LIMS1: variants seen among roughly 807,000 people sequenced by gnomAD.
LIMS1 encodes LIM zinc finger domain containing 1.
Under a neutral mutation model 44.1 loss-of-function variants are expected in LIMS1, and 18 were observed. The ratio of observed to expected loss-of-function variants is 0.41; its 90% CI spans 0.28 to 0.61. The LOEUF (loss-of-function observed/expected upper bound fraction) is 0.61, where lower values mean the gene tolerates loss of function less well. Among genes scored for constraint, LIMS1 ranks in the 20% least tolerant of loss-of-function variants. LIMS1 has a pLI of 0.32. For synonymous variants in LIMS1, 93 were observed against 149.1 expected (o/e 0.62, Z 2.74); for missense variants, 201 against 422.0 (o/e 0.48, Z 4.59).
intron 1 of LIMS1, among the ~76,000 whole-genome samples, chr2:108,611,660 G>A (rs541976376): frequency 3.3e-5 from 5 of 151,814 alleles, no homozygotes; most frequent in South Asian, 2.1e-4. Flanking sequence ...CGTGGGGATC[G>A]CTTGAGCTCA....
At chr2:108,665,152 C>T (rs1425999773) in intron 2 of LIMS1, among the ~76,000 whole-genome samples, 1 of 152,166 alleles carries the variant, frequency 6.6e-6, no homozygotes, top group Non-Finnish European at 1.5e-5. Context: ...GCCCCTTAAC[C>T]ACAGGGAAAT....
At chr2:108,674,200 GGT>G (rs1692350351) in intron 5 of LIMS1, among the ~76,000 whole-genome samples, 2 of 151,960 alleles carry the variant, frequency 1.3e-5, no homozygotes, top group African/African-American at 4.8e-5. Flanking sequence ...CACGGTGGCG[GGT>G]GCCTATAGTC....
chr2:108,610,271 A>T (rs948743751), intron 1 of LIMS1, among the ~76,000 whole-genome samples: 2 of 151,014 alleles, frequency 1.3e-5, no homozygotes, highest in African/African-American at 4.9e-5. Context: ...GGTGGTCTCA[A>T]CTCCTGGCCT....
At chr2:108,555,615 G>A (rs1319145321) in intron 1 of LIMS1, among the ~76,000 whole-genome samples, 1 of 152,224 alleles carries the variant, frequency 6.6e-6, no homozygotes, top group Non-Finnish European at 1.5e-5. Context: ...GTGCTCCTAG[G>A]CTTTTCTCCT....
At chr2:108,684,053 T>C (rs896236140) in exon 10 of LIMS1, 3 of 891,592 alleles carry the variant, frequency 3.4e-6, no homozygotes, top group Non-Finnish European at 5.4e-6. Context: ...ACATTACTTG[T>C]CTTGATCTAC....
chr2:108,552,387 CTATA>C (rs1015460983), intron 1 of LIMS1, among the ~76,000 whole-genome samples: 7 of 139,384 alleles, frequency 5.0e-5, no homozygotes, highest in African/African-American at 1.1e-4. Context: ...ATATATGAAA[CTATA>C]TATACTATAT....
chr2:108,677,090 C>A (rs988237993), intron 7 of LIMS1, among the ~76,000 whole-genome samples: 1 of 152,128 alleles, frequency 6.6e-6, no homozygotes, highest in Non-Finnish European at 1.5e-5. Context: ...ATATTGATAC[C>A]GTACTCTAAC....
chr2:108,534,029 G>C (rs957482494), upstream of LIMS1: 4 of 153,372 alleles, frequency 2.6e-5, no homozygotes. Flanking sequence ...GCGCAGCCAC[G>C]CGAGTGGAAT....
chr2:108,599,491 C>T (rs1411720281), intron 1 of LIMS1, among the ~76,000 whole-genome samples: 1 of 152,160 alleles, frequency 6.6e-6, no homozygotes, highest in African/African-American at 2.4e-5. Context: ...GTGATCAGTG[C>T]TGCAGATATC....
intron 1 of LIMS1, among the ~76,000 whole-genome samples, chr2:108,543,346 T>C (rs1684375369): frequency 6.6e-6 from 1 of 152,186 alleles, no homozygotes; most frequent in South Asian, 2.1e-4. Flanking sequence ...AATGCAGGCC[T>C]CCATAACAAC....
At chr2:108,625,236 A>G (rs1434141829) in intron 1 of LIMS1, among the ~76,000 whole-genome samples, 2 of 152,204 alleles carry the variant, frequency 1.3e-5, no homozygotes, top group East Asian at 1.9e-4. Flanking sequence ...CATGTGAAAT[A>G]TATGAAATTC....
chr2:108,616,450 GTCTGT>G (rs986740171), intron 1 of LIMS1, among the ~76,000 whole-genome samples: 1 of 151,960 alleles, frequency 6.6e-6, no homozygotes, highest in African/African-American at 2.4e-5. Context: ...GGCTCAAGCT[GTCTGT>G]TCACCTCGGC....
At chr2:108,618,386 G>A (rs1406393848) in intron 1 of LIMS1, among the ~76,000 whole-genome samples, 1 of 152,134 alleles carries the variant, frequency 6.6e-6, no homozygotes, top group Non-Finnish European at 1.5e-5. Flanking sequence ...AATAGATGGG[G>A]ACTCCTCCCT....
chr2:108,578,783 A>T (rs1249755266), intron 1 of LIMS1, among the ~76,000 whole-genome samples: 1 of 151,706 alleles, frequency 6.6e-6, no homozygotes, highest in African/African-American at 2.4e-5. Flanking sequence ...TTTAGTAGAG[A>T]TGGGGTTTCA....
chr2:108,567,632 C>T (rs770551196), intron 1 of LIMS1, among the ~76,000 whole-genome samples: 1 of 152,058 alleles, frequency 6.6e-6, no homozygotes, highest in Non-Finnish European at 1.5e-5. Flanking sequence ...AGTGCAATGT[C>T]GTGATCTTGG....
At position 108,638,702 on chromosome 2, in the gene LIMS1, G is replaced by A. The variant is rs577197668; in HGVS notation, c.33-20903G>A. On this transcript the variant is annotated intron_variant, in intron 1 of 9. Transcript: ENST00000544547. ...ATCGAGGTTGCGGTGAGTCAAAATT[G>A]CACCACTGCACTCCAGCCTGGCAAC... Among the ~76,000 whole-genome samples the A allele has an allele frequency of 1.5e-3, 228 of 151,854 alleles. 1 individual carries two copies. Among genetic ancestry groups the A allele is most frequent in the Admixed American group, 3.9e-3 (59 of 15,268 alleles).
rs1558828580 is a variant in LIMS1, at chr2:108,650,418, T to TTTTC, written c.33-9184_33-9183insCTTT. ...CCTAAACTTTCTTTTCTTTTCTTTT[T>TTTTC]TTTTTTTTTTTCTTTCGAGACGGAG... On this transcript the variant is annotated intron_variant, in intron 1 of 9. Transcript: ENST00000544547. 3.7e-4 allele frequency among the ~76,000 whole-genome samples: 54 copies of TTTTC among 144,382 alleles called. 1 individual carries two copies. The highest frequency in any genetic ancestry group is 1.4e-3 in the African/African-American group (51 of 37,718). The allele number at this position is 144,382 out of a possible 152,430, so 94.7% of individuals were successfully genotyped here. A position where few individuals can be genotyped will look rare whatever the true frequency, so the allele number is the denominator to read the frequency against.
chr2:108,611,862 T>C (rs905254593), intron 1 of LIMS1, among the ~76,000 whole-genome samples: 15 of 133,252 alleles, frequency 1.1e-4, no homozygotes, highest in East Asian at 6.1e-4. Context: ...TATACACACA[T>C]ATATATACAC....
chr2:108,606,278 A>C (rs1053821095), intron 1 of LIMS1, among the ~76,000 whole-genome samples: 4 of 152,230 alleles, frequency 2.6e-5, no homozygotes, highest in Admixed American at 2.0e-4. Context: ...CTTGAGTGGC[A>C]GGTCTACCTT....
Sources: gnomAD v4.1 joint callset for allele counts (sites outside exome capture counted in the v4.1 genomes callset) on GRCh38, gnomAD v4.1.1 for gene constraint, MANE v1.5 for transcripts, NCBI Gene and HGNC (gene_info 2026-07-23, HGNC 2026-07-21) for gene names.